Variants in NPAS3 observed in about 807,000 individuals in gnomAD.
NPAS3 encodes neuronal PAS domain-containing protein 3.
NPAS3 carries 14 observed loss-of-function variants against 73.1 expected under a neutral mutation model. The ratio of observed to expected loss-of-function variants is 0.19; its 90% CI spans 0.13 to 0.30. The LOEUF is 0.30. NPAS3 is among the 10% of genes least tolerant of loss of function. NPAS3 has a pLI of 1.00. For missense variants in NPAS3, 1,096 were observed against 1,250.0 expected (o/e 0.88, Z 1.86); for synonymous variants, 620 against 541.5 (o/e 1.14, Z -2.01).
At chr14:33,510,691 T>TA (rs1595058295) in intron 4 of NPAS3, among the ~76,000 whole-genome samples, 2 of 152,096 alleles carry the variant, frequency 1.3e-5, no homozygotes, top group East Asian at 3.9e-4. Context: ...TGTAGTGCGT[T>TA]ACACTAAATT....
chr14:33,462,779 A>G (rs2050332291), intron 4 of NPAS3, among the ~76,000 whole-genome samples: 1 of 152,214 alleles, frequency 6.6e-6, no homozygotes, highest in South Asian at 2.1e-4. Context: ...ACCTAGCTCT[A>G]CACACCACCA....
chr14:33,266,397 A>G (rs1259618351), intron 3 of NPAS3, among the ~76,000 whole-genome samples: 1 of 152,176 alleles, frequency 6.6e-6, no homozygotes, highest in Non-Finnish European at 1.5e-5. Flanking sequence ...GAGAGAGCTC[A>G]TATCTAGGTT....
intron 4 of NPAS3, among the ~76,000 whole-genome samples, chr14:33,508,387 A>T (rs146688049): frequency 6.6e-6 from 1 of 152,060 alleles, no homozygotes; most frequent in African/African-American, 2.4e-5. Flanking sequence ...AGCAATGCCG[A>T]AAAGGGGGCT....
Position 33,746,500 on chromosome 14 carries a change from TTC to T in NPAS3, c.852+11170_852+11171del, listed in dbSNP as rs984175075. Among the ~76,000 whole-genome samples the T allele has an allele frequency of 3.6e-4, 53 of 145,294 alleles. 1 individual carries two copies. Among genetic ancestry groups the T allele is most frequent in the African/African-American group, 1.5e-3 (53 of 35,444 alleles). On this transcript the variant is annotated intron_variant, in intron 7 of 11. Coordinates refer to ENST00000356141, the Ensembl canonical transcript of NPAS3. ...CCACACCCGGCCCTCTACTGACTCATTCTTTTTTTTTTTTTATGATGTATTTA... is the reference window on the plus strand; with the variant it reads ...CCACACCCGGCCCTCTACTGACTCATTTTTTTTTTTTTTATGATGTATTTA...
intron 4 of NPAS3, among the ~76,000 whole-genome samples, chr14:33,534,920 G>T (rs2140203358): frequency 6.6e-6 from 1 of 152,230 alleles, no homozygotes; most frequent in East Asian, 1.9e-4. Context: ...CTCTTTCCAG[G>T]ACGTGTGCTG....
chr14:33,678,130 A>G (rs938513019), intron 6 of NPAS3, among the ~76,000 whole-genome samples: 10 of 152,090 alleles, frequency 6.6e-5, no homozygotes, highest in African/African-American at 1.7e-4. Context: ...CTTTTATCCA[A>G]CCTCCAACAT....
chr14:33,723,983 G>A (rs948588092), intron 6 of NPAS3, among the ~76,000 whole-genome samples: 11 of 152,112 alleles, frequency 7.2e-5, no homozygotes, highest in African/African-American at 2.4e-4. Flanking sequence ...TCTTTAGCAC[G>A]CGTAGCACGA....
chr14:33,603,217 T>C (rs1297301704), intron 5 of NPAS3, among the ~76,000 whole-genome samples: 2 of 152,180 alleles, frequency 1.3e-5, no homozygotes, highest in Non-Finnish European at 2.9e-5. Flanking sequence ...GCAATGTGCA[T>C]GGGATTAACA....
rs1463296052 is a variant in NPAS3 at position 33,095,664 on chromosome 14, TTTTTTA to T, written c.140+39676_140+39681del. On this transcript the variant is annotated intron_variant, in intron 2 of 11. Transcript: ENST00000356141. ...AGGCGTGGGCATTCTCTGCTTTTAT[TTTTTTA>T]TTTTTTTTTTTTTTTTGAGAGGGAG... is the stretch of plus-strand genomic sequence containing the variant. Among the ~76,000 whole-genome samples the T allele has an allele frequency of 1.2e-3, 157 of 134,192 alleles. 17 individuals are homozygous for T. The highest frequency in any genetic ancestry group is 4.6e-3 in the African/African-American group (154 of 33,460). The allele number at this position is 134,192 out of a possible 152,430, so 88.0% of individuals were successfully genotyped here.
chr14:33,625,649 G>A (rs2058198980), intron 5 of NPAS3, among the ~76,000 whole-genome samples: 1 of 152,160 alleles, frequency 6.6e-6, no homozygotes, highest in African/African-American at 2.4e-5. Flanking sequence ...GGTTAGATAT[G>A]TTGTCAAAGA....
chr14:33,773,099 A>C (rs2062705057), intron 7 of NPAS3, among the ~76,000 whole-genome samples: 1 of 152,128 alleles, frequency 6.6e-6, no homozygotes. Flanking sequence ...CAAAAATAAA[A>C]TGGAAAAGGA....
intron 3 of NPAS3, among the ~76,000 whole-genome samples, chr14:33,297,550 G>T (rs2042350894): frequency 1.3e-5 from 2 of 152,052 alleles, no homozygotes; most frequent in South Asian, 4.1e-4. Flanking sequence ...TAAAAATGTT[G>T]CTCAGTAGCC....
chr14:33,062,489 T>A (rs1178097815), intron 2 of NPAS3, among the ~76,000 whole-genome samples: 1 of 152,174 alleles, frequency 6.6e-6, no homozygotes, highest in Non-Finnish European at 1.5e-5. Context: ...TAATTCAAGA[T>A]AAACGAATGC....
chr14:32,986,303 C>T (rs1447207771), intron 1 of NPAS3, among the ~76,000 whole-genome samples: 1 of 152,130 alleles, frequency 6.6e-6, no homozygotes, highest in East Asian at 1.9e-4. Flanking sequence ...TATGATTCAG[C>T]GTATTTTAAT....
chr14:33,803,500 G>A (rs1004426541), downstream of NPAS3: 1 of 152,126 alleles, frequency 6.6e-6, no homozygotes, highest in African/African-American at 2.4e-5. Context: ...GAAGAAGGCC[G>A]ATGGAGAAAT....
rs753812565 is a variant in NPAS3, at chr14:33,401,099, A to G, written c.468+33831A>G. Among the ~76,000 whole-genome samples the G allele has an allele frequency of 7.2e-4, 109 of 152,308 alleles. 2 individuals carry two copies. Among genetic ancestry groups the G allele is most frequent in the Middle Eastern group, 3.4e-3 (1 of 294 alleles). ...ATACTGAGGACGTTTTCAAGATGTT[A>G]GAAAATTGCCTTTTAGAAATCATTT... On this transcript the variant is annotated intron_variant, in intron 4 of 11. Coordinates refer to ENST00000356141, the Ensembl canonical transcript of NPAS3.
At chr14:33,004,890 G>C (rs1207412152) in intron 1 of NPAS3, among the ~76,000 whole-genome samples, 2 of 127,880 alleles carry the variant, frequency 1.6e-5, no homozygotes, top group Non-Finnish European at 3.2e-5. Flanking sequence ...CATTAACGTA[G>C]GACTATACGG....
chr14:33,529,648 T>G lies in NPAS3; in HGVS notation c.469-30473T>G, dbSNP rs1566975784. Reference sequence around the variant, plus strand: ...TTTCTTTTATGTATGTATGTATGTTTTTTTTCTTAAGCATGTTGGCTGTGA... The same window carrying G: ...TTTCTTTTATGTATGTATGTATGTTGTTTTTCTTAAGCATGTTGGCTGTGA... On this transcript the variant is annotated intron_variant, in intron 4 of 11. Coordinates refer to ENST00000356141, the Ensembl canonical transcript of NPAS3. Among the ~76,000 whole-genome samples, 3 of 152,036 alleles carry G rather than the reference T, an allele frequency of 2.0e-5. 1 individual carries two copies. The highest frequency in any genetic ancestry group is 1.3e-4 in the Admixed American group (2 of 15,250).
intron 4 of NPAS3, among the ~76,000 whole-genome samples, chr14:33,483,415 T>G (rs1467672603): frequency 6.6e-6 from 1 of 152,174 alleles, no homozygotes; most frequent in African/African-American, 2.4e-5. Context: ...TTTCCACAGT[T>G]ATACCTTTAT....
Sources: allele counts gnomAD v4.1 joint callset (sites outside exome capture counted in the v4.1 genomes callset), GRCh38; gene constraint gnomAD v4.1.1; transcripts MANE v1.5; gene names NCBI Gene and HGNC (gene_info 2026-07-23, HGNC 2026-07-21).